Variants in PPP1R8 observed in about 807,000 individuals in gnomAD.
PPP1R8 encodes nuclear inhibitor of protein phosphatase 1.
A neutral mutation model predicts 31.3 loss-of-function variants in PPP1R8; 4 were observed. The observed-to-expected ratio is 0.13, with a 90% CI of 0.06 to 0.29. The LOEUF (loss-of-function observed/expected upper bound fraction) is 0.29. Ranked by LOEUF, PPP1R8 falls within the 10% of genes least tolerant of loss-of-function variation. PPP1R8 has a pLI of 1.00. For missense variants in PPP1R8, 254 were observed against 440.1 expected (o/e 0.58, Z 3.78); for synonymous variants, 170 against 169.7 (o/e 1.00, Z -0.01).
chr1:27,844,781 G>T (rs547164623), intron 5 of PPP1R8, among the ~76,000 whole-genome samples: 1 of 129,896 alleles, frequency 7.7e-6, no homozygotes, highest in Non-Finnish European at 1.6e-5. Flanking sequence ...GCAGTGGCAC[G>T]ATCTCAGTTC....
intron 5 of PPP1R8, among the ~76,000 whole-genome samples, chr1:27,846,555 C>A (rs114385956): frequency 6.1e-4 from 93 of 152,380 alleles, no homozygotes; most frequent in African/African-American, 2.2e-3. Context: ...TGCTAATAAG[C>A]AGGCATTAGC....
chr1:27,840,944 C>T (rs886683250), intron 3 of PPP1R8, 70 bp from the exon 4 acceptor site: 2 of 1,504,948 alleles, frequency 1.3e-6, no homozygotes, highest in Non-Finnish European at 1.8e-6. Context: ...AGTTGGCGAT[C>T]ATACTCTTCC....
rs138980154 is a variant in PPP1R8, at chr1:27,835,863, A to G, written c.118-2836A>G. Among the ~76,000 whole-genome samples, 927 of 152,360 alleles carry G rather than the reference A, an allele frequency of 6.1e-3. 12 individuals are homozygous for G. Among genetic ancestry groups the G allele is most frequent in the African/African-American group, 0.021 (878 of 41,584 alleles). ...AATTTTGTCATTTATAAAAATAGGA[A>G]GAGAATAGTATTACCCACCTCATAG... On this transcript the variant is annotated intron_variant, in intron 2 of 6. Transcript: ENST00000311772.
Position 27,851,668 on chromosome 1 carries a change from G to A in PPP1R8, c.*1222G>A, listed in dbSNP as rs1208705735. 2.1e-6 allele frequency: 1 copy of A among 465,716 alleles called. No homozygotes were observed. The highest frequency in any genetic ancestry group is 4.3e-6 in the Non-Finnish European group (1 of 230,930). 28.8% of individuals were successfully genotyped at this position (465,716 alleles called of 1,614,324 possible). On this transcript the variant is annotated 3_prime_UTR_variant, in exon 7 of 7. Coordinates refer to ENST00000311772, the MANE Select transcript of PPP1R8 (RefSeq NM_014110.5). ...TTACAAATAAAGATGCCCTAAATGA[G>A]TGTGGAAATTCTAATGAGAGAATGT...
chr1:27,848,076 G>A (rs1412287188), intron 6 of PPP1R8, among the ~76,000 whole-genome samples: 1 of 152,126 alleles, frequency 6.6e-6, no homozygotes, highest in African/African-American at 2.4e-5. Flanking sequence ...GGCACAGATA[G>A]GAATGTCAGC....
intron 5 of PPP1R8, among the ~76,000 whole-genome samples, 171 bp from the exon 6 acceptor site, chr1:27,846,857 C>T (rs189952141): frequency 3.9e-5 from 6 of 152,238 alleles, no homozygotes; most frequent in Admixed American, 1.3e-4. Flanking sequence ...GTAGTACCTA[C>T]ATCACAGGGT....
chr1:27,840,732 C>T (rs1302835711), intron 3 of PPP1R8, among the ~76,000 whole-genome samples: 1 of 152,072 alleles, frequency 6.6e-6, no homozygotes, highest in Non-Finnish European at 1.5e-5. Context: ...ATATAAGAAA[C>T]CCACCGAGGA....
At chr1:27,835,469 GA>G (rs1426364765) in intron 2 of PPP1R8, among the ~76,000 whole-genome samples, 1 of 152,218 alleles carries the variant, frequency 6.6e-6, no homozygotes, top group Non-Finnish European at 1.5e-5. Flanking sequence ...GGCTGTTGTT[GA>G]ATCTTGGTTC....
rs1245706871 is a variant in PPP1R8 at position 27,850,563 on chromosome 1, C to A, written c.*117C>A. 1 of 920,780 alleles carries A rather than the reference C, an allele frequency of 1.1e-6. No individual in the cohort carries two copies. The highest frequency in any genetic ancestry group is 1.7e-5 in the African/African-American group (1 of 59,806). The allele number at this position is 920,780 out of a possible 1,614,324, so 57.0% of individuals were successfully genotyped here. A position where few individuals can be genotyped will look rare whatever the true frequency, so the allele number is the denominator to read the frequency against. On this transcript the variant is annotated 3_prime_UTR_variant, in exon 7 of 7. Coordinates refer to ENST00000311772, the MANE Select transcript of PPP1R8 (RefSeq NM_014110.5). ...TGTGCGGTATCGTCTTTCAGAATGT[C>A]TCCTGGCATCCTAACCATGTAATAT...
In PPP1R8 at chr1:27,845,631, A is replaced by C. The variant is rs184373421; in HGVS notation, c.638-1397A>C. On this transcript the variant is annotated intron_variant, in intron 5 of 6. Transcript: ENST00000311772. ...ATAGATTGATGGTGAATATAATACC[A>C]GAGTGTCCTCTTTAAAGGCATGGAT... Among the ~76,000 whole-genome samples the C allele has an allele frequency of 2.6e-5, 4 of 152,040 alleles. No individual in the cohort carries two copies. The East Asian group carries it at 7.7e-4, about 29-fold the overall frequency.
intron 1 of PPP1R8, chr1:27,831,339 TTGTC>T (rs2089103714): frequency 8.1e-6 from 8 of 991,194 alleles, no homozygotes; most frequent in Non-Finnish European, 9.6e-6. Context: ...CGTGCGGCAC[TTGTC>T]TGTCTGCCAC....
intron 4 of PPP1R8, among the ~76,000 whole-genome samples, chr1:27,841,792 T>A (rs2089224956): frequency 1.3e-5 from 2 of 152,208 alleles, no homozygotes; most frequent in Admixed American, 1.3e-4. Flanking sequence ...CTTTTGTTCT[T>A]CCATGGGCCT....
chr1:27,842,250 G>A lies in PPP1R8; in HGVS notation c.493-936G>A, dbSNP rs535221662. 7.1e-4 allele frequency among the ~76,000 whole-genome samples: 107 copies of A among 151,686 alleles called. 1 individual carries two copies. In the South Asian group the frequency reaches 0.021, roughly 30 times the overall value. On this transcript the variant is annotated intron_variant, in intron 4 of 6. Transcript: ENST00000311772. Reference sequence around the variant, plus strand: ...CCAGCTACTCAGGAGGCTGAGGCAGGAGAGTCACTTGCACCTGGGAGGTGG... The same window carrying A: ...CCAGCTACTCAGGAGGCTGAGGCAGAAGAGTCACTTGCACCTGGGAGGTGG...
intron 5 of PPP1R8, among the ~76,000 whole-genome samples, chr1:27,845,463 T>C (rs968595311): frequency 3.3e-5 from 5 of 151,442 alleles, no homozygotes; most frequent in Non-Finnish European, 7.4e-5. Flanking sequence ...CAGTATAGCA[T>C]AGTGGTTAAG....
At position 27,850,482 on chromosome 1, in the gene PPP1R8, G is replaced by GT. The variant is rs2148621599; in HGVS notation, c.*36_*37insT. 5 of 511,080 alleles carry GT rather than the reference G, an allele frequency of 9.8e-6. No individual in the cohort carries two copies. The highest frequency in any genetic ancestry group is 8.9e-5 in the East Asian group (2 of 22,558). 31.7% of individuals were successfully genotyped at this position (511,080 alleles called of 1,614,324 possible). ...CATGGAGAAGGGTGGGATTGGGTGG[G>GT]AATGGGGTGGAAGGGTGATGGGGAG... is the stretch of plus-strand genomic sequence containing the variant. On this transcript the variant is annotated 3_prime_UTR_variant, in exon 7 of 7. Transcript: ENST00000311772.
chr1:27,848,392 G>T (rs1490973565), intron 6 of PPP1R8, among the ~76,000 whole-genome samples: 1 of 152,120 alleles, frequency 6.6e-6, no homozygotes, highest in Non-Finnish European at 1.5e-5. Context: ...TCGTCAGCGA[G>T]ACTCCATCTA....
chr1:27,840,026 C>A, intron 3 of PPP1R8, among the ~76,000 whole-genome samples: 1 of 152,082 alleles, frequency 6.6e-6, no homozygotes, highest in Non-Finnish European at 1.5e-5. Context: ...CATGACTGTA[C>A]TCCAGTCTGG....
intron 6 of PPP1R8, among the ~76,000 whole-genome samples, chr1:27,848,519 C>A (rs1479398638): frequency 1.3e-5 from 2 of 152,146 alleles, no homozygotes; most frequent in African/African-American, 4.8e-5. Flanking sequence ...CAACAAACTT[C>A]CCCTTAAGAG....
At chr1:27,843,352 T>A (rs2089240852) in intron 5 of PPP1R8, 22 bp downstream of exon 5, 2 of 1,613,980 alleles carry the variant, frequency 1.2e-6, no homozygotes, top group African/African-American at 2.7e-5. Flanking sequence ...TGCTAGTTTA[T>A]TCTGATGAAA....
Sources: allele counts gnomAD v4.1 joint callset (sites outside exome capture counted in the v4.1 genomes callset), GRCh38; gene constraint gnomAD v4.1.1; transcripts MANE v1.5; gene names NCBI Gene and HGNC (gene_info 2026-07-23, HGNC 2026-07-21).